The following ADCY8 variants were observed in gnomAD, a reference collection of about 807,000 sequenced individuals.
The protein encoded by ADCY8 is adenylate cyclase type 8.
In ADCY8, 51 loss-of-function variants were observed where a neutral mutation model predicts 119.7. The ratio of observed to expected loss-of-function variants is 0.43; its 90% CI spans 0.34 to 0.54. The LOEUF is 0.54. Among genes scored for constraint, ADCY8 ranks in the 20% least tolerant of loss-of-function variants. ADCY8 has a pLI of 0.03. For synonymous variants in ADCY8, 665 were observed against 651.0 expected (o/e 1.02, Z -0.33); for missense variants, 1,383 against 1,598.8 (o/e 0.87, Z 2.30).
intron 5 of ADCY8, among the ~76,000 whole-genome samples, chr8:130,925,077 C>T (rs1233968174): frequency 6.0e-5 from 9 of 151,206 alleles, no homozygotes; most frequent in Non-Finnish European, 2.9e-5. Context: ...TGGTGGCATG[C>T]GCCTGTAGTC....
chr8:130,792,983 T>C (rs1815469705), intron 15 of ADCY8, among the ~76,000 whole-genome samples: 1 of 152,154 alleles, frequency 6.6e-6, no homozygotes, highest in African/African-American at 2.4e-5. Flanking sequence ...TCTTCTTGCA[T>C]GTTGTGTGGC....
chr8:130,793,709 G>A (rs145358296), intron 15 of ADCY8, among the ~76,000 whole-genome samples: 12 of 152,284 alleles, frequency 7.9e-5, no homozygotes, highest in Non-Finnish European at 1.3e-4. Flanking sequence ...CTTCATATTC[G>A]CAGTGCATTT....
chr8:131,033,092 C>G (rs1824045321), intron 1 of ADCY8, among the ~76,000 whole-genome samples: 1 of 152,154 alleles, frequency 6.6e-6, no homozygotes, highest in African/African-American at 2.4e-5. Context: ...TATTCTGAGT[C>G]TACTGGTCTC....
intron 2 of ADCY8, among the ~76,000 whole-genome samples, chr8:130,983,685 G>T (rs1173210014): frequency 6.6e-6 from 1 of 152,004 alleles, no homozygotes; most frequent in African/African-American, 2.4e-5. Context: ...AGCAATCCTG[G>T]GGCTTTCTCA....
chr8:130,871,824 T>G (rs1818369459), intron 8 of ADCY8, among the ~76,000 whole-genome samples: 1 of 152,162 alleles, frequency 6.6e-6, no homozygotes, highest in South Asian at 2.1e-4. Context: ...CTTGAAAGAT[T>G]ACCCACCACC....
intron 2 of ADCY8, among the ~76,000 whole-genome samples, chr8:130,959,336 T>A (rs1340107330): frequency 6.6e-6 from 1 of 152,142 alleles, no homozygotes; most frequent in South Asian, 2.1e-4. Context: ...ACAGGAAAAA[T>A]GGGTGAGTAT....
intron 7 of ADCY8, among the ~76,000 whole-genome samples, chr8:130,899,842 T>C (rs560664325): frequency 6.6e-6 from 1 of 152,352 alleles, no homozygotes; most frequent in African/African-American, 2.4e-5. Flanking sequence ...GTCTTTCAAC[T>C]GAGAGATTCA....
At chr8:130,888,298 G>C (rs886666437) in intron 7 of ADCY8, among the ~76,000 whole-genome samples, 1 of 151,860 alleles carries the variant, frequency 6.6e-6, no homozygotes, top group Non-Finnish European at 1.5e-5. Flanking sequence ...ATATGTATAT[G>C]TGTATACTTA....
In ADCY8 at chr8:130,849,734, T is replaced by C; in HGVS notation, c.2280A>G (p.Thr760=). The change falls in exon 10 of 18, where the codon ACA becomes ACG. Residue 760 remains threonine (T), a synonymous_variant. Coordinates refer to ENST00000286355, the MANE Select transcript of ADCY8 (RefSeq NM_001115.3). ...MLHSALVLIT[T]AEDYKCLPLI... ...GGGGCAAACATTTATAATCCTCTGCTGTGGTGATGAGGACCAGAGCCGAGT... is the reference window on the plus strand; with the variant it reads ...GGGGCAAACATTTATAATCCTCTGCCGTGGTGATGAGGACCAGAGCCGAGT... 1 of 1,613,942 alleles carries C rather than the reference T, an allele frequency of 6.2e-7. No individual in the cohort carries two copies. The highest frequency in any genetic ancestry group is 8.5e-7 in the Non-Finnish European group (1 of 1,179,896).
intron 11 of ADCY8, among the ~76,000 whole-genome samples, chr8:130,843,677 C>T (rs979526184): frequency 2.0e-4 from 31 of 152,118 alleles, no homozygotes; most frequent in African/African-American, 6.0e-4. Flanking sequence ...TCCTGTTAGT[C>T]TATTGGAAGA....
chr8:130,885,877 T>A (rs1421908110), intron 7 of ADCY8, among the ~76,000 whole-genome samples: 1 of 152,192 alleles, frequency 6.6e-6, no homozygotes, highest in East Asian at 1.9e-4. Context: ...ACAGGCTAGA[T>A]GAAGATAAGA....
intron 1 of ADCY8, among the ~76,000 whole-genome samples, chr8:131,038,928 G>C (rs565818935): frequency 6.6e-6 from 1 of 152,172 alleles, no homozygotes; most frequent in African/African-American, 2.4e-5. Context: ...TTGTGGCTTA[G>C]AGATACGGAA....
intron 2 of ADCY8, among the ~76,000 whole-genome samples, chr8:130,985,141 AG>A (rs773781903): frequency 6.6e-6 from 1 of 152,142 alleles, no homozygotes; most frequent in Non-Finnish European, 1.5e-5. Flanking sequence ...CTTCAAGGAA[AG>A]GGGGTTGGGG....
At chr8:130,964,409 G>A (rs1278000687) in intron 2 of ADCY8, among the ~76,000 whole-genome samples, 1 of 149,922 alleles carries the variant, frequency 6.7e-6, no homozygotes, top group Non-Finnish European at 1.5e-5. Context: ...AGCTATGTTA[G>A]TTTTATCATC....
intron 4 of ADCY8, among the ~76,000 whole-genome samples, chr8:130,939,742 G>A (rs1025829414): frequency 5.3e-5 from 8 of 152,200 alleles, no homozygotes; most frequent in Non-Finnish European, 1.2e-4. Context: ...AACAGAGTAA[G>A]CTTGGCCATT....
intron 1 of ADCY8, among the ~76,000 whole-genome samples, chr8:131,021,648 A>T (rs1309696801): frequency 6.6e-6 from 1 of 152,150 alleles, no homozygotes; most frequent in African/African-American, 2.4e-5. Flanking sequence ...TGTTCTCGTG[A>T]TAGTGAGTGA....
intron 9 of ADCY8, among the ~76,000 whole-genome samples, chr8:130,857,218 G>A (rs1482261581): frequency 8.4e-6 from 1 of 119,640 alleles, no homozygotes; most frequent in African/African-American, 3.4e-5. Flanking sequence ...TTGTGCACAT[G>A]TACCCTAAAA....
At chr8:130,947,033 CTT>C (rs1254517679) in intron 3 of ADCY8, among the ~76,000 whole-genome samples, 1 of 152,162 alleles carries the variant, frequency 6.6e-6, no homozygotes, top group Non-Finnish European at 1.5e-5. Flanking sequence ...ATCATCAAGT[CTT>C]TTGATTCTTG....
chr8:130,828,770 T>C (rs1263192649), intron 12 of ADCY8, among the ~76,000 whole-genome samples: 3 of 152,226 alleles, frequency 2.0e-5, no homozygotes, highest in African/African-American at 7.2e-5. Context: ...TCCTTACATT[T>C]TTTAAGGCAC....
Sources: gnomAD v4.1 joint callset for allele counts (sites outside exome capture counted in the v4.1 genomes callset) on GRCh38, gnomAD v4.1.1 for gene constraint, MANE v1.5 for transcripts, NCBI Gene and HGNC (gene_info 2026-07-23, HGNC 2026-07-21) for gene names.